STAU2: variants seen among roughly 807,000 people sequenced by gnomAD.
STAU2 encodes the protein staufen double-stranded RNA binding protein 2, also known as double-stranded RNA-binding protein Staufen homolog 2.
Under a neutral mutation model 65.9 loss-of-function variants are expected in STAU2, and 20 were observed. The ratio of observed to expected loss-of-function variants is 0.30; its 90% confidence interval spans 0.21 to 0.44. STAU2 has a LOEUF of 0.44. Among genes scored for constraint, STAU2 ranks in the 20% least tolerant of loss-of-function variants. The probability of loss-of-function intolerance (pLI) is 1.00; values close to 1 mark genes in which losing one functional copy is unlikely to be tolerated. For synonymous variants in STAU2, 232 were observed against 233.9 expected (o/e 0.99, Z 0.07); for missense variants, 558 against 683.9 (o/e 0.82, Z 2.05).
intron 5 of STAU2, among the ~76,000 whole-genome samples, chr8:73,687,225 TAAA>T (rs1818916983): frequency 2.9e-5 from 4 of 138,600 alleles, no homozygotes; most frequent in African/African-American, 1.1e-4. Flanking sequence ...AATATAAACT[TAAA>T]TATAAATTAA....
chr8:73,455,660 CT>C (rs1331811791), intron 13 of STAU2, among the ~76,000 whole-genome samples: 1 of 152,196 alleles, frequency 6.6e-6, no homozygotes, highest in African/African-American at 2.4e-5. Flanking sequence ...TTATCTTCCT[CT>C]GAAAAACCAC....
At chr8:73,575,456 T>C (rs1199659109) in intron 12 of STAU2, among the ~76,000 whole-genome samples, 1 of 152,164 alleles carries the variant, frequency 6.6e-6, no homozygotes, top group African/African-American at 2.4e-5. Flanking sequence ...AAAGGATACA[T>C]ACTCTGTAAT....
chr8:73,694,120 T>C (rs185272032), intron 4 of STAU2, among the ~76,000 whole-genome samples: 1 of 152,292 alleles, frequency 6.6e-6, no homozygotes, highest in Admixed American at 6.5e-5. Context: ...TCATTTCATA[T>C]GAATAAAGAA....
intron 13 of STAU2, among the ~76,000 whole-genome samples, chr8:73,532,999 C>T (rs1205991063): frequency 2.6e-5 from 4 of 152,178 alleles, no homozygotes; most frequent in East Asian, 1.9e-4. Context: ...ATTCCTGTCT[C>T]CCTAAAATGT....
intron 13 of STAU2, among the ~76,000 whole-genome samples, chr8:73,462,367 G>A (rs1819409703): frequency 6.6e-6 from 1 of 151,794 alleles, no homozygotes; most frequent in Non-Finnish European, 1.5e-5. Context: ...CTCCCAAAGT[G>A]CTGGGATTAA....
chr8:73,690,154 C>A (rs750171760), intron 4 of STAU2, among the ~76,000 whole-genome samples: 10 of 151,746 alleles, frequency 6.6e-5, no homozygotes, highest in Non-Finnish European at 1.5e-4. Context: ...CAGTGAATCC[C>A]CATCCCTACT....
At chr8:73,587,479 G>T (rs534806102) in intron 11 of STAU2, among the ~76,000 whole-genome samples, 1 of 152,072 alleles carries the variant, frequency 6.6e-6, no homozygotes, top group Non-Finnish European at 1.5e-5. Flanking sequence ...CAGGCATATC[G>T]ATCAATCTGC....
intron 8 of STAU2, among the ~76,000 whole-genome samples, chr8:73,614,516 G>GT (rs1215126855): frequency 1.3e-5 from 2 of 152,148 alleles, no homozygotes; most frequent in Non-Finnish European, 2.9e-5. Flanking sequence ...TTTTAAAAAG[G>GT]TAAGTAGGTA....
Position 73,547,348 on chromosome 8 carries a change from A to ATT in STAU2, c.1530+4662_1530+4663dup, listed in dbSNP as rs11431659. Among the ~76,000 whole-genome samples the ATT allele has an allele frequency of 4.0e-3, 600 of 150,378 alleles. 5 individuals are homozygous for ATT. Among genetic ancestry groups the ATT allele is most frequent in the Middle Eastern group, 0.017 (5 of 290 alleles). The stretch of plus-strand genomic sequence containing the variant: ...CAGGATTTCTTTCTTCAAACATAGT[A>ATT]TTTTTTTTTTACAGGGTTTAAAATT... On this transcript the variant is annotated intron_variant, in intron 13 of 14. Transcript: ENST00000524300.
chr8:73,595,914 C>G lies in STAU2; in HGVS notation c.1030-617G>C, dbSNP rs777137377. On this transcript the variant is annotated intron_variant, in intron 10 of 14. Coordinates refer to ENST00000524300, the MANE Select transcript of STAU2 (RefSeq NM_001164380.2). ...GGATCACAAGGTCAGGAGTTTGAGACCAGCCTGGCCAATATGGTGAAACCC... is the reference window on the plus strand; with the variant it reads ...GGATCACAAGGTCAGGAGTTTGAGAGCAGCCTGGCCAATATGGTGAAACCC... Among the ~76,000 whole-genome samples, 83 of 152,040 alleles carry G rather than the reference C, an allele frequency of 5.5e-4. 1 individual carries two copies. Among genetic ancestry groups the G allele is most frequent in the Non-Finnish European group, 4.0e-4 (27 of 68,012 alleles).
Position 73,420,466 on chromosome 8 carries a change from GT to G in STAU2, c.*905del, listed in dbSNP as rs1460081624. On this transcript the variant is annotated 3_prime_UTR_variant, in exon 15 of 15. Coordinates refer to ENST00000524300, the MANE Select transcript of STAU2 (RefSeq NM_001164380.2). ...GGCTGGCTGGAAGCAACTCCAACAG[GT>G]TTTTCCCTTCCCCGTCATGTACATT... 1.8e-5 allele frequency: 5 copies of G among 281,038 alleles called. No homozygotes were observed. Among genetic ancestry groups the G allele is most frequent in the Non-Finnish European group, 3.6e-5 (5 of 138,430 alleles). The allele number at this position is 281,038 out of a possible 1,614,324, so 17.4% of individuals were successfully genotyped here. A position where few individuals can be genotyped will look rare whatever the true frequency, so the allele number is the denominator to read the frequency against.
intron 10 of STAU2, among the ~76,000 whole-genome samples, chr8:73,598,360 T>C (rs566388664): frequency 6.6e-6 from 1 of 151,954 alleles, no homozygotes; most frequent in South Asian, 2.1e-4. Flanking sequence ...CCTGAGTAGC[T>C]GGAACTATAG....
chr8:73,520,310 C>T (rs1822973642), intron 13 of STAU2, among the ~76,000 whole-genome samples: 1 of 151,982 alleles, frequency 6.6e-6, no homozygotes, highest in Non-Finnish European at 1.5e-5. Context: ...AAATACATAC[C>T]AGATTTCAAG....
At chr8:73,438,741 T>C (rs1817897259) in intron 13 of STAU2, among the ~76,000 whole-genome samples, 1 of 152,216 alleles carries the variant, frequency 6.6e-6, no homozygotes, top group Non-Finnish European at 1.5e-5. Flanking sequence ...CAGGTGGCTG[T>C]GTAGGCCTCT....
intron 4 of STAU2, among the ~76,000 whole-genome samples, chr8:73,699,860 C>CAAAAAAA (rs201419278): frequency 2.4e-4 from 21 of 88,862 alleles, no homozygotes; most frequent in Middle Eastern, 7.7e-3. Flanking sequence ...AAACACACAT[C>CAAAAAAA]AAAAAAAAAA....
Position 73,552,141 on chromosome 8 carries a change from T to C in STAU2, c.1401A>G (p.Glu467=), listed in dbSNP as rs1807377682. 2.5e-6 allele frequency: 4 copies of C among 1,613,928 alleles called. No homozygotes were observed. Among genetic ancestry groups the C allele is most frequent in the South Asian group, 1.1e-5 (1 of 91,056 alleles). ...TSNSSATIAR[E]LLMNGTSSTA... is the part of the protein sequence containing the mutation. ...TAGAAGATGTTCCATTCATAAGGAG[T>C]TCCCTGGCAATTGTAGCTGAACTAT... Residue 467 remains glutamate, a synonymous_variant, in exon 13 of 15, where the codon GAA becomes GAG. Transcript: ENST00000524300.
At chr8:73,428,496 C>T (rs1358313706) in intron 13 of STAU2, among the ~76,000 whole-genome samples, 1 of 152,062 alleles carries the variant, frequency 6.6e-6, no homozygotes. Context: ...TGTGACAGTG[C>T]TGGATCCCAA....
At chr8:73,574,956 T>C (rs1056207408) in intron 12 of STAU2, among the ~76,000 whole-genome samples, 1 of 151,506 alleles carries the variant, frequency 6.6e-6, no homozygotes, top group Non-Finnish European at 1.5e-5. Context: ...ATGTTTTTAA[T>C]TTCAGAGTCG....
intron 13 of STAU2, among the ~76,000 whole-genome samples, chr8:73,431,611 G>C (rs1202700514): frequency 2.0e-5 from 3 of 152,236 alleles, no homozygotes; most frequent in African/African-American, 7.2e-5. Flanking sequence ...TGTTTTGTGA[G>C]TAAAGCCCCA....
Sources: gnomAD v4.1 joint callset for allele counts (sites outside exome capture counted in the v4.1 genomes callset) on GRCh38, gnomAD v4.1.1 for gene constraint, MANE v1.5 for transcripts, NCBI Gene and HGNC (gene_info 2026-07-23, HGNC 2026-07-21) for gene names.